NEK6: variants seen among roughly 807,000 people sequenced by gnomAD.
NEK6 encodes the protein NIMA related kinase 6.
A neutral mutation model predicts 43.5 loss-of-function variants in NEK6; 27 were observed. The observed-to-expected ratio is 0.62, with a 90% CI of 0.46 to 0.86. The LOEUF (loss-of-function observed/expected upper bound fraction) is 0.86. NEK6 is among the 40% of genes least tolerant of loss of function. The probability of loss-of-function intolerance (pLI) is 0.00; values close to 1 mark genes in which losing one functional copy is unlikely to be tolerated. For missense variants in NEK6, 318 were observed against 414.4 expected (o/e 0.77, Z 2.02); for synonymous variants, 167 against 164.1 (o/e 1.02, Z -0.14).
intron 4 of NEK6, among the ~76,000 whole-genome samples, chr9:124,316,401 A>T (rs1034335569): frequency 1.3e-5 from 2 of 152,182 alleles, no homozygotes; most frequent in Non-Finnish European, 2.9e-5. Flanking sequence ...TACATCCGGG[A>T]GGGCCTGGAG....
intron 1 of NEK6, among the ~76,000 whole-genome samples, chr9:124,279,733 CTT>C (rs1390122118): frequency 2.0e-5 from 3 of 152,214 alleles, no homozygotes; most frequent in East Asian, 1.9e-4. Context: ...CCCAGTGACT[CTT>C]TGAAACCCGG....
chr9:124,287,892 A>T (rs1832232917), intron 1 of NEK6, among the ~76,000 whole-genome samples: 1 of 152,226 alleles, frequency 6.6e-6, no homozygotes, highest in South Asian at 2.1e-4. Flanking sequence ...CCCTGTGATC[A>T]TGAGGCACAA....
Position 124,270,137 on chromosome 9 carries a change from G to A in NEK6, c.-30+12052G>A, listed in dbSNP as rs539096092. Among the ~76,000 whole-genome samples, 4 of 151,882 alleles carry A rather than the reference G, an allele frequency of 2.6e-5. 1 individual carries two copies. The South Asian group carries it at 8.3e-4, about 32-fold the overall frequency. On this transcript the variant is annotated intron_variant, in intron 1 of 9. Coordinates refer to ENST00000320246, the MANE Select transcript of NEK6 (RefSeq NM_014397.6). ...CATCTCCCCATGTGCTCCATCCCCC[G>A]GCATCTGCTGCCATTGGTCCTGCCT...
At chr9:124,290,400 A>G (rs961577899) in intron 1 of NEK6, among the ~76,000 whole-genome samples, 3 of 152,176 alleles carry the variant, frequency 2.0e-5, no homozygotes, top group Non-Finnish European at 2.9e-5. Flanking sequence ...GGGTGCTGGC[A>G]CCTGGCATGT....
upstream of NEK6, chr9:124,257,648 A>C (rs909095528): frequency 2.0e-6 from 3 of 1,518,692 alleles, no homozygotes; most frequent in African/African-American, 4.2e-5. Context: ...ACAGGAGTCC[A>C]AGGGTTGGCT....
chr9:124,329,501 A>G (rs1336037265), intron 7 of NEK6, among the ~76,000 whole-genome samples: 1 of 152,202 alleles, frequency 6.6e-6, no homozygotes, highest in African/African-American at 2.4e-5. Flanking sequence ...AACTTGGGAG[A>G]AGGCCGCCCT....
In NEK6 at chr9:124,347,787, T is replaced by C; in HGVS notation, c.796T>C (p.Tyr266His). 1 of 1,612,974 alleles carries C rather than the reference T, an allele frequency of 6.2e-7. No homozygotes were observed. Among genetic ancestry groups the C allele is most frequent in the Non-Finnish European group, 8.5e-7 (1 of 1,179,306 alleles). Residue 266 changes from tyrosine to histidine, a missense_variant, in exon 9 of 10, where the codon TAC becomes CAC. Coordinates refer to ENST00000320246, the MANE Select transcript of NEK6 (RefSeq NM_014397.6). Reference protein sequence around the residue: ...SLCQKIEQCDYPPLPGEHYSE... With the variant: ...SLCQKIEQCDHPPLPGEHYSE... ...GTGCCAGAAGATCGAGCAGTGTGAC[T>C]ACCCCCCACTCCCCGGGGAGCACTA...
At chr9:124,289,927 C>T (rs1297763177) in intron 1 of NEK6, among the ~76,000 whole-genome samples, 2 of 152,190 alleles carry the variant, frequency 1.3e-5, no homozygotes, top group Admixed American at 6.5e-5. Context: ...AGACCACACA[C>T]AGCACAGCTC....
At chr9:124,345,348 A>G (rs544996330) in intron 8 of NEK6, among the ~76,000 whole-genome samples, 1 of 152,330 alleles carries the variant, frequency 6.6e-6, no homozygotes, top group Non-Finnish European at 1.5e-5. Context: ...TGGAAGGCCC[A>G]TGGCCGGCAG....
chr9:124,290,316 G>C (rs953657159), intron 1 of NEK6, among the ~76,000 whole-genome samples: 1 of 152,234 alleles, frequency 6.6e-6, no homozygotes, highest in African/African-American at 2.4e-5. Context: ...GGTGCCACAC[G>C]CACCAGGTCC....
chr9:124,342,276 C>T (rs985611992), intron 8 of NEK6, among the ~76,000 whole-genome samples: 1 of 152,234 alleles, frequency 6.6e-6, no homozygotes. Context: ...CGTTCTAGGT[C>T]TCCCAAGGCC....
intron 3 of NEK6, 111 bp from the exon 4 acceptor site, chr9:124,313,812 C>T (rs1833672833): frequency 1.9e-6 from 2 of 1,046,822 alleles, no homozygotes; most frequent in South Asian, 1.4e-5. Context: ...TCACAGAGTC[C>T]CTTGGTGAGG....
At chr9:124,286,270 C>T (rs1051901426) in intron 1 of NEK6, among the ~76,000 whole-genome samples, 2 of 152,156 alleles carry the variant, frequency 1.3e-5, no homozygotes, top group Non-Finnish European at 2.9e-5. Flanking sequence ...CTATAGGATC[C>T]TCCTTTCCCT....
chr9:124,296,492 G>A (rs1321796339), intron 1 of NEK6, among the ~76,000 whole-genome samples: 2 of 152,206 alleles, frequency 1.3e-5, no homozygotes, highest in Admixed American at 6.5e-5. Flanking sequence ...TGCTTCAGTG[G>A]ACAGAACGAG....
chr9:124,339,491 C>A, intron 7 of NEK6, 80 bp from the exon 8 acceptor site: 2 of 957,110 alleles, frequency 2.1e-6, no homozygotes, highest in South Asian at 1.3e-5. Flanking sequence ...CTCCCGTGTG[C>A]CCTCCCTCCA....
intron 9 of NEK6, among the ~76,000 whole-genome samples, chr9:124,350,501 GACACACACACACACAC>G (rs55896623): frequency 6.0e-5 from 9 of 150,710 alleles, no homozygotes; most frequent in Admixed American, 1.3e-4. Flanking sequence ...ACTGACAGCA[GACACACACACACACAC>G]ACACACACAC....
intron 4 of NEK6, among the ~76,000 whole-genome samples, chr9:124,320,494 C>G (rs1286741638): frequency 6.6e-6 from 1 of 152,238 alleles, no homozygotes; most frequent in Non-Finnish European, 1.5e-5. Context: ...CACTATCGGC[C>G]TCTGGTGGTT....
At chr9:124,334,629 C>T (rs553543277) in intron 7 of NEK6, among the ~76,000 whole-genome samples, 6 of 152,332 alleles carry the variant, frequency 3.9e-5, no homozygotes, top group South Asian at 2.1e-4. Context: ...ACAAACCTAA[C>T]GTTTGGGTCC....
At chr9:124,257,929 GGGCGCGCGGGCCCGCGCAGGCGGT>G in exon 1 of NEK6, 4 of 975,384 alleles carry the variant, frequency 4.1e-6, no homozygotes, top group Non-Finnish European at 4.9e-6. Flanking sequence ...GCGGGCGCGC[GGGCGCGCGGGCCCGCGCAGGCGGT>G]GGCGGCGGCG....
Sources: allele counts gnomAD v4.1 joint callset (sites outside exome capture counted in the v4.1 genomes callset), GRCh38; gene constraint gnomAD v4.1.1; transcripts MANE v1.5; gene names NCBI Gene and HGNC (gene_info 2026-07-23, HGNC 2026-07-21).